The following SH3BGRL2 variants were observed in gnomAD, a reference collection of about 807,000 sequenced individuals.
The protein encoded by SH3BGRL2 is SH3 domain-binding glutamic acid-rich-like protein 2.
SH3BGRL2 carries 21 observed loss-of-function variants against 14.8 expected under a neutral mutation model. The ratio of observed to expected loss-of-function variants is 1.42; its 90% CI spans 1.01 to 2.05. SH3BGRL2 has a LOEUF of 2.05. SH3BGRL2 is among the 30% of genes most tolerant of loss of function. SH3BGRL2 has a pLI of 0.00. For synonymous variants in SH3BGRL2, 50 were observed against 47.8 expected, an observed-to-expected ratio of 1.05 and a Z score of -0.19; for missense variants, 147 against 130.8, an observed-to-expected ratio of 1.12 and a Z score of -0.61.
chr6:79,670,403 GT>G (rs1769749305), intron 1 of SH3BGRL2, among the ~76,000 whole-genome samples: 1 of 152,196 alleles, frequency 6.6e-6, no homozygotes, highest in Non-Finnish European at 1.5e-5. Flanking sequence ...TAACCTGCCT[GT>G]TTTAGCTCCA....
At chr6:79,666,108 A>AC (rs746711988) in intron 1 of SH3BGRL2, among the ~76,000 whole-genome samples, 2 of 152,212 alleles carry the variant, frequency 1.3e-5, no homozygotes, top group Non-Finnish European at 2.9e-5. Flanking sequence ...GTAACAGAGA[A>AC]CCTGTCTAAC....
chr6:79,598,545 G>A, the SH3BGRL2 span, among the ~76,000 whole-genome samples: 1 of 152,114 alleles, frequency 6.6e-6, no homozygotes, highest in South Asian at 2.1e-4. Flanking sequence ...TATAGGAAAT[G>A]TCCACAGTAA....
At chr6:79,670,003 G>A (rs1438255729) in intron 1 of SH3BGRL2, among the ~76,000 whole-genome samples, 2 of 152,214 alleles carry the variant, frequency 1.3e-5, no homozygotes, top group African/African-American at 4.8e-5. Flanking sequence ...CAATATTTTA[G>A]GCATTGGGGG....
At chr6:79,629,741 G>A (rs1231593985), upstream of SH3BGRL2, among the ~76,000 whole-genome samples, 1 of 152,160 alleles carries the variant, frequency 6.6e-6, no homozygotes, top group Non-Finnish European at 1.5e-5. Flanking sequence ...TATTAGTACA[G>A]TGTGTCTTGT....
At chr6:79,679,386 T>C (rs1164438690) in intron 2 of SH3BGRL2, among the ~76,000 whole-genome samples, 1 of 137,178 alleles carries the variant, frequency 7.3e-6, no homozygotes, top group Non-Finnish European at 1.5e-5. Context: ...TTTTTTTTCA[T>C]TTTTTTTTTT....
chr6:79,615,235 A>C, the SH3BGRL2 span, among the ~76,000 whole-genome samples: 1 of 152,132 alleles, frequency 6.6e-6, no homozygotes. Context: ...CACTTCTGAG[A>C]GTGGGAGGGC....
At chr6:79,663,590 G>A (rs1240193833) in intron 1 of SH3BGRL2, among the ~76,000 whole-genome samples, 3 of 152,186 alleles carry the variant, frequency 2.0e-5, no homozygotes, top group Non-Finnish European at 4.4e-5. Flanking sequence ...GCCCCTACTG[G>A]GAGGTGTCTC....
chr6:79,601,958 A>G, the SH3BGRL2 span, among the ~76,000 whole-genome samples: 1 of 152,208 alleles, frequency 6.6e-6, no homozygotes, highest in African/African-American at 2.4e-5. Context: ...GGAAACAAAT[A>G]TGCTAGCTTA....
At chr6:79,584,216 T>C in the SH3BGRL2 span, among the ~76,000 whole-genome samples, 2 of 152,166 alleles carry the variant, frequency 1.3e-5, no homozygotes, top group Non-Finnish European at 2.9e-5. Context: ...CATATGACTT[T>C]TTAAAATATT....
intron 2 of SH3BGRL2, among the ~76,000 whole-genome samples, chr6:79,677,542 G>A (rs564032935): frequency 1.1e-4 from 17 of 152,310 alleles, no homozygotes; most frequent in Non-Finnish European, 1.6e-4. Context: ...GAGTGTCCAG[G>A]GGTGATGGGG....
the SH3BGRL2 span, among the ~76,000 whole-genome samples, chr6:79,578,926 A>T: frequency 6.6e-6 from 1 of 152,244 alleles, no homozygotes; most frequent in African/African-American, 2.4e-5. Context: ...TGAATAGCTA[A>T]CTAGAATAAA....
intron 2 of SH3BGRL2, among the ~76,000 whole-genome samples, chr6:79,689,210 A>C (rs1770160917): frequency 6.7e-6 from 1 of 148,762 alleles, no homozygotes; most frequent in South Asian, 2.1e-4. Flanking sequence ...TGTCATTTGG[A>C]AGGAGTTAAT....
At chr6:79,544,376 G>C in the SH3BGRL2 span, among the ~76,000 whole-genome samples, 14 of 152,196 alleles carry the variant, frequency 9.2e-5, no homozygotes, top group Non-Finnish European at 1.6e-4. Context: ...TGTCAGAGCT[G>C]GAATAGAGCC....
At chr6:79,600,007 C>T in the SH3BGRL2 span, among the ~76,000 whole-genome samples, 11 of 152,268 alleles carry the variant, frequency 7.2e-5, no homozygotes, top group South Asian at 2.3e-3. Flanking sequence ...TTCTTCACGG[C>T]CTAGGACACA....
chr6:79,553,275 A>G, the SH3BGRL2 span: 18 of 152,192 alleles, frequency 1.2e-4, no homozygotes, highest in African/African-American at 4.1e-4. Context: ...TGGTGTTTGT[A>G]TGTTTTGTTA....
the SH3BGRL2 span, among the ~76,000 whole-genome samples, chr6:79,621,284 A>G: frequency 7.2e-5 from 11 of 152,140 alleles, no homozygotes; most frequent in Admixed American, 2.0e-4. Context: ...TTGACACCCA[A>G]TCACTAATGT....
At chr6:79,642,288 A>C (rs1224248983) in intron 1 of SH3BGRL2, among the ~76,000 whole-genome samples, 3 of 152,230 alleles carry the variant, frequency 2.0e-5, no homozygotes, top group African/African-American at 7.2e-5. Flanking sequence ...TATTATAAAT[A>C]ATCTACAGAT....
intron 2 of SH3BGRL2, among the ~76,000 whole-genome samples, chr6:79,683,840 G>A (rs569878046): frequency 3.3e-5 from 5 of 152,236 alleles, no homozygotes; most frequent in Admixed American, 2.6e-4. Flanking sequence ...GAGTTCTTTA[G>A]TGGATATATT....
chr6:79,583,708 C>T, the SH3BGRL2 span, among the ~76,000 whole-genome samples: 1 of 152,156 alleles, frequency 6.6e-6, no homozygotes, highest in African/African-American at 2.4e-5. Flanking sequence ...TGCAGCAAAC[C>T]AACATGGCAC....
Sources: gnomAD v4.1 joint callset for allele counts (sites outside exome capture counted in the v4.1 genomes callset) on GRCh38, gnomAD v4.1.1 for gene constraint, MANE v1.5 for transcripts, NCBI Gene and HGNC (gene_info 2026-07-23, HGNC 2026-07-21) for gene names.